The following STIM2 variants were observed in gnomAD, a reference collection of about 807,000 sequenced individuals.
STIM2 encodes stromal interaction molecule 2.
STIM2 carries 31 observed loss-of-function variants against 85.8 expected under a neutral mutation model. The ratio of observed to expected loss-of-function variants is 0.36; its 90% confidence interval spans 0.27 to 0.49. The LOEUF is 0.49. Among genes scored for constraint, STIM2 ranks in the 20% least tolerant of loss-of-function variants. The pLI, the probability that STIM2 is intolerant of heterozygous loss-of-function variation, is 0.98. For missense variants in STIM2, 841 were observed against 927.6 expected (o/e 0.91, Z 1.21); for synonymous variants, 356 against 331.1 (o/e 1.08, Z -0.82).
intron 3 of STIM2, among the ~76,000 whole-genome samples, chr4:26,975,065 C>T (rs369368056): frequency 7.9e-5 from 12 of 151,984 alleles, no homozygotes; most frequent in East Asian, 7.7e-4. Flanking sequence ...ATGAAGTTCT[C>T]GTGCCATAGT....
intron 2 of STIM2, among the ~76,000 whole-genome samples, chr4:26,942,562 C>A (rs1725651843): frequency 6.6e-6 from 1 of 152,038 alleles, no homozygotes; most frequent in Admixed American, 6.6e-5. Flanking sequence ...CAAAATTATT[C>A]TTATTGTGCT....
Position 26,999,320 on chromosome 4 carries a change from G to C in STIM2, c.598G>C (p.Asp200His), listed in dbSNP as rs756197716. Residue 200 changes from aspartate (D) to histidine (H), a missense_variant, in exon 5 of 12, where the codon GAT becomes CAT. This residue lies in a region of STIM2 where 408 missense variants were observed against 525.4 expected (regional missense o/e 0.78). Coordinates refer to ENST00000467087, the MANE Select transcript of STIM2 (RefSeq NM_020860.4). ...ACAAAAACTTCAGCTCAAGGCATTG[G>C]ATGTGGTTTTGTTTGGACCTCTAAC... The C allele has an allele frequency of 6.2e-7, 1 of 1,609,214 alleles. No individual in the cohort carries two copies.
chr4:26,900,304 G>T (rs1181767265), intron 1 of STIM2, among the ~76,000 whole-genome samples: 3 of 152,162 alleles, frequency 2.0e-5, no homozygotes, highest in Non-Finnish European at 4.4e-5. Context: ...GAGAAGCTTT[G>T]ACTTTAGCAG....
At chr4:26,869,664 G>A (rs1230423264) in intron 1 of STIM2, among the ~76,000 whole-genome samples, 5 of 151,846 alleles carry the variant, frequency 3.3e-5, no homozygotes, top group Admixed American at 6.6e-5. Flanking sequence ...AGGCTGTGAG[G>A]CACCACAGAT....
chr4:26,884,064 G>A (rs1422103606), intron 1 of STIM2, among the ~76,000 whole-genome samples: 1 of 152,178 alleles, frequency 6.6e-6, no homozygotes, highest in African/African-American at 2.4e-5. Context: ...AGATACCTGA[G>A]TTCCTTATAT....
intron 3 of STIM2, among the ~76,000 whole-genome samples, chr4:26,974,184 A>G (rs1727090348): frequency 6.6e-6 from 1 of 152,096 alleles, no homozygotes; most frequent in Non-Finnish European, 1.5e-5. Context: ...TTGACTCTTT[A>G]TCCAATTTGC....
intron 1 of STIM2, among the ~76,000 whole-genome samples, chr4:26,890,823 C>CA (rs60092225): frequency 0.089 from 4,479 of 50,182 alleles, 227 homozygotes; most frequent in African/African-American, 0.2. Flanking sequence ...GACTCCGTCT[C>CA]AAAAAAAAAA....
intron 1 of STIM2, among the ~76,000 whole-genome samples, chr4:26,886,807 T>C (rs1184731492): frequency 6.6e-6 from 1 of 152,194 alleles, no homozygotes; most frequent in African/African-American, 2.4e-5. Context: ...TGACATGATT[T>C]GATTTATGTT....
At chr4:27,002,083 G>C (rs1728174316) in intron 5 of STIM2, 134 bp from the exon 6 acceptor site, 4 of 722,038 alleles carry the variant, frequency 5.5e-6, no homozygotes, top group Non-Finnish European at 4.4e-6. Flanking sequence ...AATTTTAAAA[G>C]GCTAGAGCTT....
chr4:26,995,504 A>G lies in STIM2; in HGVS notation c.509+14A>G, dbSNP rs765806839. 6.6e-7 allele frequency: 1 copy of G among 1,521,216 alleles called. No individual in the cohort carries two copies. The highest frequency in any genetic ancestry group is 9.0e-7 in the Non-Finnish European group (1 of 1,113,756). The allele number at this position is 1,521,216 out of a possible 1,614,324, so 94.2% of individuals were successfully genotyped here. ...GACACTTCCCAGGTGAGTCTTTGTT[A>G]TGCAAATGTATTTTCCACTCAGGGA... is the stretch of plus-strand genomic sequence containing the variant. On this transcript the variant is annotated intron_variant, in intron 4 of 11. Coordinates refer to ENST00000467087, the MANE Select transcript of STIM2 (RefSeq NM_020860.4).
intron 3 of STIM2, among the ~76,000 whole-genome samples, chr4:26,987,707 G>C (rs1380923805): frequency 1.3e-5 from 2 of 152,158 alleles, no homozygotes; most frequent in African/African-American, 4.8e-5. Context: ...GAGCTTTTCT[G>C]TTACTCCCTC....
intron 2 of STIM2, among the ~76,000 whole-genome samples, chr4:26,932,596 C>G (rs1378469374): frequency 6.6e-6 from 1 of 152,056 alleles, no homozygotes; most frequent in African/African-American, 2.4e-5. Flanking sequence ...CTATAAATGT[C>G]TAAATAGTAC....
At chr4:26,910,135 T>A (rs1724280716) in intron 1 of STIM2, among the ~76,000 whole-genome samples, 1 of 152,190 alleles carries the variant, frequency 6.6e-6, no homozygotes, top group African/African-American at 2.4e-5. Context: ...CTGCACCTAG[T>A]CAACTATTTT....
chr4:27,016,706 T>G (rs533359091), intron 10 of STIM2, among the ~76,000 whole-genome samples: 1 of 152,318 alleles, frequency 6.6e-6, no homozygotes, highest in African/African-American at 2.4e-5. Context: ...GGTCCAGGCT[T>G]TTATCCAGAG....
At chr4:26,863,552 C>G (rs146701922) in intron 1 of STIM2, among the ~76,000 whole-genome samples, 1 of 152,086 alleles carries the variant, frequency 6.6e-6, no homozygotes, top group Admixed American at 6.5e-5. Flanking sequence ...ATGAATAGTG[C>G]TTTCTTTTAT....
At chr4:26,951,781 A>G (rs1726062786) in intron 2 of STIM2, among the ~76,000 whole-genome samples, 1 of 152,102 alleles carries the variant, frequency 6.6e-6, no homozygotes, top group South Asian at 2.1e-4. Context: ...GACTTGCTAT[A>G]TATATTTTTG....
intron 2 of STIM2, among the ~76,000 whole-genome samples, chr4:26,945,467 T>A (rs1302739643): frequency 6.6e-6 from 1 of 152,218 alleles, no homozygotes; most frequent in African/African-American, 2.4e-5. Context: ...GTATACCCAG[T>A]AATGAGATAC....
Position 27,017,750 on chromosome 4 carries a change from G to C in STIM2, c.1529G>C (p.Ser510Thr), listed in dbSNP as rs772541032. The C allele has an allele frequency of 6.2e-7, 1 of 1,614,108 alleles. No individual in the cohort carries two copies. Among genetic ancestry groups the C allele is most frequent in the South Asian group, 1.1e-5 (1 of 91,070 alleles). Reference sequence around the variant, plus strand: ...CCTCCTGGATCATTAGCCAGAAGCAGCAGCCTGTGCCGTTCACGCCGCAGC... The same window carrying C: ...CCTCCTGGATCATTAGCCAGAAGCACCAGCCTGTGCCGTTCACGCCGCAGC... The change falls in exon 11 of 12, where the codon AGC (serine) becomes ACC (threonine). Residue 510 changes from serine to threonine, a missense_variant. This residue lies in a region of STIM2 where 408 missense variants were observed against 525.4 expected (regional missense o/e 0.78). Transcript: ENST00000467087.
chr4:26,955,366 T>C (rs1288215999), intron 2 of STIM2, among the ~76,000 whole-genome samples: 2 of 148,100 alleles, frequency 1.4e-5, no homozygotes, highest in African/African-American at 2.6e-5. Context: ...TTGTCTTTAA[T>C]ATATATTACG....
Sources: gnomAD v4.1 joint callset for allele counts (sites outside exome capture counted in the v4.1 genomes callset) on GRCh38, gnomAD v4.1.1 for gene constraint, gnomAD v4.1.1 regional missense constraint, MANE v1.5 for transcripts, NCBI Gene and HGNC (gene_info 2026-07-23, HGNC 2026-07-21) for gene names.